Variants in ZNF395 observed in about 807,000 individuals in gnomAD.
The protein encoded by ZNF395 is HD gene regulatory region-binding protein 2.
ZNF395 carries 20 observed loss-of-function variants against 57.7 expected under a neutral mutation model. The ratio of observed to expected loss-of-function variants is 0.35; its 90% confidence interval spans 0.24 to 0.50. ZNF395 has a LOEUF of 0.50. Among genes scored for constraint, ZNF395 ranks in the 20% least tolerant of loss-of-function variants. The pLI is 0.97. For missense variants in ZNF395, 606 were observed against 671.2 expected (o/e 0.90, Z 1.07); for synonymous variants, 295 against 275.9 (o/e 1.07, Z -0.69).
intron 1 of ZNF395, among the ~76,000 whole-genome samples, chr8:28,362,929 AATAAT>A (rs1801867400): frequency 6.6e-6 from 1 of 152,164 alleles, no homozygotes; most frequent in South Asian, 2.1e-4. Context: ...AAGCAAATAA[AATAAT>A]ATAAGGAAAA....
At chr8:28,370,464 G>C (rs143083950) in intron 1 of ZNF395, among the ~76,000 whole-genome samples, 214 of 152,300 alleles carry the variant, frequency 1.4e-3, no homozygotes, top group African/African-American at 4.5e-3. Context: ...AATGAGTTTC[G>C]AGACGAAAGA....
At chr8:28,367,062 G>A (rs1256565035) in intron 1 of ZNF395, among the ~76,000 whole-genome samples, 1 of 152,134 alleles carries the variant, frequency 6.6e-6, no homozygotes, top group Non-Finnish European at 1.5e-5. Context: ...GCATATTGGT[G>A]ATTGATTCAA....
Position 28,359,656 on chromosome 8 carries a change from G to C in ZNF395, c.409C>G (p.Leu137Val). 3 of 1,613,768 alleles carry C rather than the reference G, an allele frequency of 1.9e-6. No individual in the cohort carries two copies. Among genetic ancestry groups the C allele is most frequent in the Non-Finnish European group, 2.5e-6 (3 of 1,179,854 alleles). ...GCCAGGGCCTGGGCTCCGGGCTCCA[G>C]GGGTGGTGCCTGGGGACAGGGGCCC... ...LQGPCPQAPP[L>V]EPGAQALAYR... Residue 137 changes from leucine (L) to valine (V), a missense_variant, in exon 3 of 10, where the codon CTG becomes GTG. Around this residue, in one of 3 missense-constraint regions of ZNF395, gnomAD observed 309 missense variants for 374.7 expected, o/e 0.82. Coordinates refer to ENST00000344423, the MANE Select transcript of ZNF395 (RefSeq NM_018660.3). This position sits in a 1 kb window ranked among gnomAD's most constrained non-coding sequence, Gnocchi z 4.7.
At chr8:28,373,656 A>G (rs550976940) in intron 1 of ZNF395, among the ~76,000 whole-genome samples, 1 of 152,220 alleles carries the variant, frequency 6.6e-6, no homozygotes, top group Non-Finnish European at 1.5e-5. Context: ...CACAACCACT[A>G]TCAACATACG....
At position 28,348,661 on chromosome 8, in the gene ZNF395, G is replaced by C; in HGVS notation, c.*58C>G. The C allele has an allele frequency of 4.8e-6, 7 of 1,471,486 alleles. No homozygotes were observed. The highest frequency in any genetic ancestry group is 6.7e-6 in the Non-Finnish European group (7 of 1,050,392). 91.2% of individuals were successfully genotyped at this position (1,471,486 alleles called of 1,614,324 possible). A position where few individuals can be genotyped will look rare whatever the true frequency, so the allele number is the denominator to read the frequency against. ...TTCTGCTGAGGGCTGGTGACACACT[G>C]GCCTCTTGTCAGTGGCTGCCGGCAG... is the stretch of plus-strand genomic sequence containing the variant. On this transcript the variant is annotated 3_prime_UTR_variant, in exon 10 of 10. Transcript: ENST00000344423.
chr8:28,350,846 T>C (rs1254684592), intron 7 of ZNF395, among the ~76,000 whole-genome samples: 1 of 152,246 alleles, frequency 6.6e-6, no homozygotes, highest in African/African-American at 2.4e-5. Flanking sequence ...GTTCCTTGAG[T>C]ACCTACTACA....
At chr8:28,382,855 G>A (rs375919413) in intron 1 of ZNF395, among the ~76,000 whole-genome samples, 4 of 152,214 alleles carry the variant, frequency 2.6e-5, no homozygotes, top group Non-Finnish European at 5.9e-5. Context: ...TGGGAGACAA[G>A]AGGTTTTTAA....
intron 1 of ZNF395, among the ~76,000 whole-genome samples, chr8:28,373,937 A>G (rs1397433977): frequency 6.6e-6 from 1 of 152,016 alleles, no homozygotes; most frequent in Non-Finnish European, 1.5e-5. Context: ...ACAATGTACA[A>G]CTCAAGAACC....
chr8:28,348,512 A>G lies in ZNF395; in HGVS notation c.*207T>C. On this transcript the variant is annotated 3_prime_UTR_variant, in exon 10 of 10. Transcript: ENST00000344423. ...TTTGGCTCTCTCCTATTTTAGGGGG[A>G]AAAATATTTTTGTTTCTTTTTTTTA... 1.8e-6 allele frequency: 1 copy of G among 549,934 alleles called. No homozygotes were observed. The highest frequency in any genetic ancestry group is 3.3e-6 in the Non-Finnish European group (1 of 307,158). The allele number at this position is 549,934 out of a possible 1,614,324, so 34.1% of individuals were successfully genotyped here. A position where few individuals can be genotyped will look rare whatever the true frequency, so the allele number is the denominator to read the frequency against.
chr8:28,377,826 C>T (rs576390544), intron 1 of ZNF395, among the ~76,000 whole-genome samples: 2 of 143,856 alleles, frequency 1.4e-5, no homozygotes, highest in South Asian at 4.4e-4. Flanking sequence ...AGCATGATCT[C>T]GGCTCACTGC....
chr8:28,349,071 A>C (rs1257975008), intron 9 of ZNF395, 54 bp downstream of exon 9: 8 of 1,514,544 alleles, frequency 5.3e-6, no homozygotes, highest in Non-Finnish European at 7.2e-6. Context: ...AGTCCACGCC[A>C]CTGGAGACAG....
intron 1 of ZNF395, 67 bp from the exon 2 acceptor site, chr8:28,361,249 A>T: frequency 2.2e-6 from 3 of 1,334,482 alleles, no homozygotes; most frequent in Non-Finnish European, 3.1e-6. Flanking sequence ...GTCTACTAAA[A>T]TAAGTGAACC....
At chr8:28,375,661 G>A (rs1321406025) in intron 1 of ZNF395, among the ~76,000 whole-genome samples, 2 of 152,064 alleles carry the variant, frequency 1.3e-5, no homozygotes, top group African/African-American at 2.4e-5. Flanking sequence ...TTTCTCTCCC[G>A]GCTGCAGCAG....
intron 7 of ZNF395, among the ~76,000 whole-genome samples, chr8:28,350,636 G>A (rs1334504637): frequency 2.0e-5 from 3 of 152,368 alleles, no homozygotes; most frequent in African/African-American, 7.2e-5. Flanking sequence ...GGGCCCCATA[G>A]GTCAGCCACA....
In ZNF395 at chr8:28,349,730, A is replaced by T. The variant is rs1801655692; in HGVS notation, c.1326+334T>A. Reference sequence around the variant, plus strand: ...CCACATTCTCCCCCTTCCTCTCCTCAGCATTAAAATCCTAAAAACACCCAC... The same window carrying T: ...CCACATTCTCCCCCTTCCTCTCCTCTGCATTAAAATCCTAAAAACACCCAC... On this transcript the variant is annotated intron_variant, in intron 8 of 9. Transcript: ENST00000344423. 3.3e-5 allele frequency among the ~76,000 whole-genome samples: 5 copies of T among 152,300 alleles called. No individual in the cohort carries two copies. The South Asian group carries it at 1.0e-3, about 32-fold the overall frequency.
In ZNF395 at chr8:28,352,753, C is replaced by A; in HGVS notation, c.820-80G>T. ...CAACCTTACCCAGTGGGGACTCAAA[C>A]TGGCTGCTGTCCCCGGCCTGACCCA... is the stretch of plus-strand genomic sequence containing the variant. On this transcript the variant is annotated intron_variant, in intron 5 of 9. Coordinates refer to ENST00000344423, the MANE Select transcript of ZNF395 (RefSeq NM_018660.3). The surrounding 1 kb of genome is among the most constrained non-coding windows in gnomAD (Gnocchi z 4.0). 7.7e-7 allele frequency: 1 copy of A among 1,290,680 alleles called. No individual in the cohort carries two copies. The allele number at this position is 1,290,680 out of a possible 1,614,324, so 80.0% of individuals were successfully genotyped here. A position where few individuals can be genotyped will look rare whatever the true frequency, so the allele number is the denominator to read the frequency against.
chr8:28,354,124 G>A (rs1801752276), intron 4 of ZNF395, among the ~76,000 whole-genome samples: 1 of 152,180 alleles, frequency 6.6e-6, no homozygotes, highest in African/African-American at 2.4e-5. Context: ...GAGCAATTCT[G>A]GTCATCGCAA....
intron 1 of ZNF395, among the ~76,000 whole-genome samples, chr8:28,380,761 G>A (rs1357392248): frequency 2.0e-5 from 3 of 152,148 alleles, no homozygotes; most frequent in Non-Finnish European, 4.4e-5. Context: ...AATTTGATAC[G>A]ATTCAGCTGG....
At chr8:28,355,864 G>C (rs1801772509) in intron 4 of ZNF395, among the ~76,000 whole-genome samples, 1 of 152,196 alleles carries the variant, frequency 6.6e-6, no homozygotes, top group Admixed American at 6.5e-5. Flanking sequence ...TTCCTTATGA[G>C]GGATACTTAT....
Sources: allele counts gnomAD v4.1 joint callset (sites outside exome capture counted in the v4.1 genomes callset), GRCh38; gene constraint gnomAD v4.1.1; regional missense constraint gnomAD v4.1.1; non-coding constraint Gnocchi (gnomAD v3.1); transcripts MANE v1.5; gene names NCBI Gene and HGNC (gene_info 2026-07-23, HGNC 2026-07-21).